The following ARHGEF28 variants were observed in gnomAD, a reference collection of about 807,000 sequenced individuals.
ARHGEF28 encodes the protein 190 kDa guanine nucleotide exchange factor.
Under a neutral mutation model 206.6 loss-of-function variants are expected in ARHGEF28, and 152 were observed. That is an observed-to-expected ratio of 0.74 (90% CI 0.64 to 0.84). The LOEUF (loss-of-function observed/expected upper bound fraction) is 0.84. ARHGEF28 is among the 40% of genes least tolerant of loss of function. The probability of loss-of-function intolerance (pLI) is 0.00; values close to 1 mark genes in which losing one functional copy is unlikely to be tolerated. For missense variants in ARHGEF28, 2,028 were observed against 2,073.2 expected (o/e 0.98, Z 0.42); for synonymous variants, 763 against 776.4 (o/e 0.98, Z 0.29).
At chr5:73,792,743 A>C (rs112897112) in intron 7 of ARHGEF28, among the ~76,000 whole-genome samples, 1 of 149,884 alleles carries the variant, frequency 6.7e-6, no homozygotes, top group African/African-American at 2.5e-5. Context: ...CCAAATCCCT[A>C]CTGTACACTT....
chr5:73,749,759 A>G (rs1420193618), intron 2 of ARHGEF28, 78 bp from the exon 3 acceptor site: 4 of 1,525,582 alleles, frequency 2.6e-6, no homozygotes, highest in Non-Finnish European at 3.6e-6. Flanking sequence ...ACTGTTATGG[A>G]CCCAGGTCCT....
chr5:73,764,562 G>A (rs1415122029), intron 4 of ARHGEF28, among the ~76,000 whole-genome samples: 1 of 152,136 alleles, frequency 6.6e-6, no homozygotes, highest in Non-Finnish European at 1.5e-5. Context: ...ATTATTTTCA[G>A]GTGATTTTCA....
chr5:73,917,837 CAT>C (rs955892087), intron 35 of ARHGEF28, among the ~76,000 whole-genome samples: 18 of 152,302 alleles, frequency 1.2e-4, no homozygotes, highest in Admixed American at 9.2e-4. Flanking sequence ...CACACACACA[CAT>C]GGTCTATGGG....
chr5:73,737,391 C>T (rs1053630902), intron 2 of ARHGEF28, among the ~76,000 whole-genome samples: 1 of 151,688 alleles, frequency 6.6e-6, no homozygotes, highest in Non-Finnish European at 1.5e-5. Flanking sequence ...TCATCACTCC[C>T]CAGCCCACTG....
At position 73,744,512 on chromosome 5, in the gene ARHGEF28, C is replaced by T. The variant is rs1010707581; in HGVS notation, c.34-5325C>T. ...TTCAAGGATCTTACAAAGTTCAGTA[C>T]ACTTGTTCTACAGGAAAGGCTCTGT... On this transcript the variant is annotated intron_variant, in intron 2 of 35. Coordinates refer to ENST00000513042, the MANE Select transcript of ARHGEF28 (RefSeq NM_001177693.2). Among the ~76,000 whole-genome samples, 7 of 151,412 alleles carry T rather than the reference C, an allele frequency of 4.6e-5. No homozygotes were observed. The East Asian group carries it at 7.7e-4, about 17-fold the overall frequency.
rs1331150267 is a variant in ARHGEF28, at chr5:73,870,778, G to A, written c.2566+569G>A. 3.3e-5 allele frequency among the ~76,000 whole-genome samples: 5 copies of A among 152,148 alleles called. No individual in the cohort carries two copies. In the East Asian group the frequency reaches 7.7e-4, roughly 23 times the overall value. On this transcript the variant is annotated intron_variant, in intron 21 of 35. Coordinates refer to ENST00000513042, the MANE Select transcript of ARHGEF28 (RefSeq NM_001177693.2). ...ATTTTGTCATGCTATTTGGGATGAA[G>A]GCATTCTGGATTGGAGAAAGTTAAA...
intron 2 of ARHGEF28, among the ~76,000 whole-genome samples, chr5:73,690,525 CAAAAAAAAAAAAAAA>C (rs71615796): frequency 4.3e-5 from 1 of 23,356 alleles, no homozygotes; most frequent in Non-Finnish European, 1.3e-4. Context: ...TCTGTCTTTA[CAAAAAAAAAAAAAAA>C]AAAAAAAAAA....
At chr5:73,936,126 G>T (rs764743092) in intron 35 of ARHGEF28, among the ~76,000 whole-genome samples, 8 of 151,350 alleles carry the variant, frequency 5.3e-5, no homozygotes, top group Non-Finnish European at 1.2e-4. Context: ...TCAGAAAAAG[G>T]CAAAGCCTAC....
intron 2 of ARHGEF28, among the ~76,000 whole-genome samples, chr5:73,688,728 C>T (rs1379638367): frequency 1.3e-5 from 2 of 152,134 alleles, no homozygotes; most frequent in African/African-American, 4.8e-5. Flanking sequence ...ACAATCTTGG[C>T]TCACTGCAAC....
chr5:73,752,659 A>G (rs991960563), intron 3 of ARHGEF28, among the ~76,000 whole-genome samples: 32 of 152,236 alleles, frequency 2.1e-4, no homozygotes, highest in African/African-American at 7.2e-4. Flanking sequence ...ATAGGAGAAC[A>G]GATGCTCAAG....
chr5:73,684,733 C>T (rs1214590093), intron 1 of ARHGEF28, 108 bp from the exon 2 acceptor site: 2 of 798,206 alleles, frequency 2.5e-6, no homozygotes, highest in Admixed American at 6.0e-5. Context: ...GTTTTCCTAT[C>T]TAATGAGTTT....
rs376244802 is a variant in ARHGEF28 at position 73,870,331 on chromosome 5, G to A, written c.2566+122G>A. On this transcript the variant is annotated intron_variant, in intron 21 of 35. Coordinates refer to ENST00000513042, the MANE Select transcript of ARHGEF28 (RefSeq NM_001177693.2). ...TCTATCATTTTCTATTTACCTGATCGCAGACAAATTATTTAGATCACCTAG... is the reference window on the plus strand; with the variant it reads ...TCTATCATTTTCTATTTACCTGATCACAGACAAATTATTTAGATCACCTAG... 178 of 1,200,336 alleles carry A rather than the reference G, an allele frequency of 1.5e-4. 2 individuals carry two copies. The highest frequency in any genetic ancestry group is 2.8e-4 in the Admixed American group (9 of 32,128). The allele number at this position is 1,200,336 out of a possible 1,614,324, so 74.4% of individuals were successfully genotyped here.
intron 35 of ARHGEF28, among the ~76,000 whole-genome samples, chr5:73,935,436 A>G (rs1221578188): frequency 3.3e-5 from 5 of 152,158 alleles, no homozygotes; most frequent in Admixed American, 2.0e-4. Flanking sequence ...GTGGCTCACT[A>G]TGGAAAAAAA....
In ARHGEF28 at chr5:73,870,049, C is replaced by A. The variant is rs771035996; in HGVS notation, c.2426-20C>A. ...CTGCATTATTGTACTTCTGGCTTTT[C>A]TTTTCTAAACACACATTAGATGTTG... On this transcript the variant is annotated intron_variant, in intron 20 of 35. Transcript: ENST00000513042. 5 of 1,604,090 alleles carry A rather than the reference C, an allele frequency of 3.1e-6. No individual in the cohort carries two copies. In the Admixed American group the frequency reaches 8.7e-5, roughly 28 times the overall value.
intron 35 of ARHGEF28, among the ~76,000 whole-genome samples, chr5:73,918,665 A>C (rs1391480054): frequency 2.6e-5 from 4 of 152,098 alleles, no homozygotes; most frequent in Admixed American, 1.3e-4. Context: ...AGAGGCTTAA[A>C]ACTTGGAGAA....
chr5:73,838,709 A>C (rs1757810340), intron 10 of ARHGEF28, among the ~76,000 whole-genome samples: 1 of 152,192 alleles, frequency 6.6e-6, no homozygotes, highest in Non-Finnish European at 1.5e-5. Flanking sequence ...TAAATGAAAA[A>C]TATGGTGTTC....
chr5:73,726,228 G>A (rs1750264385), intron 2 of ARHGEF28, among the ~76,000 whole-genome samples: 1 of 152,116 alleles, frequency 6.6e-6, no homozygotes, highest in African/African-American at 2.4e-5. Flanking sequence ...GTAGGGTTCA[G>A]TCTTCAAAAT....
At chr5:73,697,540 G>A (rs755554465) in intron 2 of ARHGEF28, among the ~76,000 whole-genome samples, 18 of 152,256 alleles carry the variant, frequency 1.2e-4, no homozygotes, top group Non-Finnish European at 2.2e-4. Flanking sequence ...TCTCACCTGA[G>A]GGGCTGAGTG....
intron 1 of ARHGEF28, among the ~76,000 whole-genome samples, chr5:73,648,505 A>G (rs1238610078): frequency 6.6e-6 from 1 of 152,262 alleles, no homozygotes; most frequent in Non-Finnish European, 1.5e-5. Flanking sequence ...GAAGTCAACA[A>G]GTCAGCAAAA....
Sources: allele counts gnomAD v4.1 joint callset (sites outside exome capture counted in the v4.1 genomes callset), GRCh38; gene constraint gnomAD v4.1.1; transcripts MANE v1.5; gene names NCBI Gene and HGNC (gene_info 2026-07-23, HGNC 2026-07-21).